The following PTPN13 variants were observed in gnomAD, a reference collection of about 807,000 sequenced individuals.
PTPN13 encodes protein tyrosine phosphatase non-receptor type 13.
PTPN13 carries 191 observed loss-of-function variants against 284.0 expected under a neutral mutation model. The ratio of observed to expected loss-of-function variants is 0.67; its 90% CI spans 0.60 to 0.76. The LOEUF (loss-of-function observed/expected upper bound fraction) is 0.76, where lower values mean the gene tolerates loss of function less well. Among genes scored for constraint, PTPN13 ranks in the 30% least tolerant of loss-of-function variants. The pLI, the probability that PTPN13 is intolerant of heterozygous loss-of-function variation, is 0.00. For synonymous variants in PTPN13, 986 were observed against 1,022.3 expected (o/e 0.96, Z 0.68); for missense variants, 2,797 against 2,939.9 (o/e 0.95, Z 1.12).
rs578168307 is a variant in PTPN13, at chr4:86,662,589, C to T, written c.116-9776C>T. Among the ~76,000 whole-genome samples, 21 of 152,290 alleles carry T rather than the reference C, an allele frequency of 1.4e-4. No individual in the cohort carries two copies. The South Asian group carries it at 4.4e-3, about 32-fold the overall frequency. On this transcript the variant is annotated intron_variant, in intron 2 of 47. Transcript: ENST00000411767. ...TCATGATCCACCTGCCTCGGCCTCCCAAAGTGCTGGGATTACAGGCATGAG... is the reference window on the plus strand; with the variant it reads ...TCATGATCCACCTGCCTCGGCCTCCTAAAGTGCTGGGATTACAGGCATGAG...
At position 86,775,605 on chromosome 4, in the gene PTPN13, C is replaced by T. The variant is rs1404063982; in HGVS notation, c.5844C>T (p.Asn1948=). The stretch of plus-strand genomic sequence containing the variant: ...AAGGAATGACCTTGGAGGAAGTTAA[C>T]AGAGCATTAGACATGTCACTTCCTT... ...STQGMTLEEV[N]RALDMSLPSL... The change falls in exon 35 of 48, where the codon AAC becomes AAT. Residue 1948 remains asparagine, a synonymous_variant. Transcript: ENST00000411767. 1 of 1,613,308 alleles carries T rather than the reference C, an allele frequency of 6.2e-7. No homozygotes were observed. The highest frequency in any genetic ancestry group is 8.5e-7 in the Non-Finnish European group (1 of 1,179,622).
chr4:86,769,611 G>T (rs971218081), intron 28 of PTPN13, among the ~76,000 whole-genome samples, 158 bp from the exon 29 acceptor site: 23 of 152,186 alleles, frequency 1.5e-4, no homozygotes, highest in African/African-American at 5.5e-4. Context: ...GTAAGATACA[G>T]CTTCAGTATA....
At chr4:86,776,903 G>T (rs538446765) in intron 35 of PTPN13, among the ~76,000 whole-genome samples, 1 of 152,228 alleles carries the variant, frequency 6.6e-6, no homozygotes, top group South Asian at 2.1e-4. Context: ...GTAAGTTGGG[G>T]ACCATCAGTA....
At chr4:86,662,041 A>T (rs1180024702) in intron 2 of PTPN13, among the ~76,000 whole-genome samples, 1 of 152,226 alleles carries the variant, frequency 6.6e-6, no homozygotes, top group Non-Finnish European at 1.5e-5. Context: ...CCTTTACTGT[A>T]AAACTTTTTT....
chr4:86,602,200 A>G (rs1409636589), intron 1 of PTPN13, among the ~76,000 whole-genome samples: 1 of 152,178 alleles, frequency 6.6e-6, no homozygotes, highest in Admixed American at 6.6e-5. Context: ...GAAACAGTAT[A>G]GTATGGTATT....
intron 15 of PTPN13, among the ~76,000 whole-genome samples, chr4:86,736,854 C>T (rs1259923354): frequency 2.0e-5 from 3 of 151,992 alleles, no homozygotes; most frequent in Admixed American, 1.3e-4. Flanking sequence ...ATTAGGTTGC[C>T]CTACTCCTTC....
intron 26 of PTPN13, among the ~76,000 whole-genome samples, chr4:86,765,834 T>G (rs1404846886): frequency 6.9e-6 from 1 of 144,326 alleles, no homozygotes; most frequent in Non-Finnish European, 1.5e-5. Context: ...TTTGTTGTTG[T>G]TTTTTTTTTT....
chr4:86,814,560 G>T lies in PTPN13; in HGVS notation c.*9G>T, dbSNP rs1745595715. 6.3e-7 allele frequency: 1 copy of T among 1,594,976 alleles called. No individual in the cohort carries two copies. Among genetic ancestry groups the T allele is most frequent in the Admixed American group, 1.7e-5 (1 of 59,854 alleles). On this transcript the variant is annotated 3_prime_UTR_variant, in exon 48 of 48. Transcript: ENST00000411767. ...CTCAGCTTCTGAAGTGACATGAAAA[G>T]AGCCTCTGGATGCATTTCCATTTCT...
chr4:86,797,271 C>T (rs1442149258), intron 41 of PTPN13, among the ~76,000 whole-genome samples: 1 of 151,956 alleles, frequency 6.6e-6, no homozygotes, highest in Non-Finnish European at 1.5e-5. Flanking sequence ...ATGGGCAGAT[C>T]ACTTGAGGCC....
At chr4:86,607,493 A>G (rs1177143352) in intron 1 of PTPN13, among the ~76,000 whole-genome samples, 1 of 152,018 alleles carries the variant, frequency 6.6e-6, no homozygotes. Flanking sequence ...AGGTACACGC[A>G]ATCCTGTGAA....
intron 7 of PTPN13, among the ~76,000 whole-genome samples, chr4:86,705,463 A>G (rs1415644067): frequency 6.6e-6 from 1 of 150,502 alleles, no homozygotes; most frequent in East Asian, 1.9e-4. Context: ...CTAGTGAGAG[A>G]CAGGCTTCAC....
intron 40 of PTPN13, among the ~76,000 whole-genome samples, chr4:86,788,914 G>C (rs2149329132): frequency 6.6e-6 from 1 of 152,298 alleles, no homozygotes; most frequent in East Asian, 1.9e-4. Context: ...ACAAAGAAGG[G>C]GGGAAATGGT....
rs184994231 is a variant in PTPN13 at position 86,681,650 on chromosome 4, G to A, written c.295-5060G>A. ...TGAGCTAATGTATATAATGTAGGCC[G>A]GGCGTGGTGGCTCACACCTGTAATT... On this transcript the variant is annotated intron_variant, in intron 3 of 47. Coordinates refer to ENST00000411767, the MANE Select transcript of PTPN13 (RefSeq NM_080683.3). Among the ~76,000 whole-genome samples the A allele has an allele frequency of 3.4e-3, 513 of 152,250 alleles. 1 individual carries two copies. The highest frequency in any genetic ancestry group is 0.012 in the African/African-American group (494 of 41,544).
intron 28 of PTPN13, among the ~76,000 whole-genome samples, chr4:86,768,571 A>G (rs1376325059): frequency 1.3e-5 from 2 of 152,168 alleles, no homozygotes; most frequent in Non-Finnish European, 2.9e-5. Context: ...TTTATTTTAC[A>G]CAAACGTTAG....
At chr4:86,687,825 A>G (rs1307241199) in intron 4 of PTPN13, among the ~76,000 whole-genome samples, 1 of 152,172 alleles carries the variant, frequency 6.6e-6, no homozygotes, top group African/African-American at 2.4e-5. Context: ...AATATCAAAT[A>G]TAAATAGAGA....
chr4:86,661,838 A>T (rs1726523433), intron 2 of PTPN13, among the ~76,000 whole-genome samples: 1 of 152,112 alleles, frequency 6.6e-6, no homozygotes. Flanking sequence ...CTTTGTGTAA[A>T]TTTCAGGCCC....
rs767914718 is a variant in PTPN13 at position 86,762,952 on chromosome 4, A to G, written c.3779A>G (p.Gln1260Arg). The G allele has an allele frequency of 2.5e-6, 4 of 1,613,968 alleles. No homozygotes were observed. The highest frequency in any genetic ancestry group is 3.4e-6 in the Non-Finnish European group (4 of 1,179,848). The change falls in exon 24 of 48, where the codon CAG becomes CGG. Residue 1260 changes from glutamine to arginine, a missense_variant. Gln to Arg is a conservative substitution (Grantham distance 43). Transcript: ENST00000411767. ...GAGAGTGCCAGCTTGTCTCAAAGCC[A>G]GGTCAATGGTTTCTTTGCCAGCCAT... ...RTESASLSQSQVNGFFASHLG... is the reference protein window; with the variant it reads ...RTESASLSQSRVNGFFASHLG...
At chr4:86,634,116 TAAAAG>T (rs1337003524) in intron 1 of PTPN13, among the ~76,000 whole-genome samples, 2 of 152,290 alleles carry the variant, frequency 1.3e-5, no homozygotes, top group East Asian at 3.9e-4. Flanking sequence ...AAATGTAAAT[TAAAAG>T]AAAATAGTAG....
chr4:86,710,626 G>C (rs931200929), intron 7 of PTPN13, among the ~76,000 whole-genome samples: 3 of 152,094 alleles, frequency 2.0e-5, no homozygotes, highest in Non-Finnish European at 4.4e-5. Flanking sequence ...GTTAAGTGGT[G>C]GTAGAAATTG....
Sources: allele counts gnomAD v4.1 joint callset (sites outside exome capture counted in the v4.1 genomes callset), GRCh38; gene constraint gnomAD v4.1.1; transcripts MANE v1.5; gene names NCBI Gene and HGNC (gene_info 2026-07-23, HGNC 2026-07-21).